Variants in RANBP2 observed in about 807,000 individuals in gnomAD.
RANBP2 encodes E3 SUMO-protein ligase RanBP2.
Under a neutral mutation model 303.6 loss-of-function variants are expected in RANBP2, and 57 were observed. The observed-to-expected ratio is 0.19, with a 90% CI of 0.15 to 0.23. The LOEUF (loss-of-function observed/expected upper bound fraction) is 0.23, where lower values mean the gene tolerates loss of function less well. Ranked by LOEUF, RANBP2 falls within the 10% of genes least tolerant of loss-of-function variation. The probability of loss-of-function intolerance (pLI) is 1.00; values close to 1 mark genes in which losing one functional copy is unlikely to be tolerated. For missense variants in RANBP2, 3,138 were observed against 3,780.8 expected, an observed-to-expected ratio of 0.83 and a Z score of 4.46; for synonymous variants, 1,167 against 1,301.5, an observed-to-expected ratio of 0.90 and a Z score of 2.23.
the RANBP2 span, among the ~76,000 whole-genome samples, chr2:108,800,605 T>C: frequency 7.2e-6 from 1 of 138,886 alleles, no homozygotes; most frequent in Non-Finnish European, 1.5e-5. Flanking sequence ...CATCTCAGTT[T>C]AGCTTTTTTT....
At chr2:109,527,305 C>A in the RANBP2 span, among the ~76,000 whole-genome samples, 5 of 152,348 alleles carry the variant, frequency 3.3e-5, no homozygotes, top group East Asian at 9.7e-4. Context: ...AAACCAGTTG[C>A]TTGCCTAGGA....
At chr2:108,935,768 A>C in the RANBP2 span, among the ~76,000 whole-genome samples, 1 of 152,236 alleles carries the variant, frequency 6.6e-6, no homozygotes, top group Non-Finnish European at 1.5e-5. Flanking sequence ...ATAGGCCCTA[A>C]GGACGGTGCC....
the RANBP2 span, among the ~76,000 whole-genome samples, chr2:109,598,199 C>T: frequency 2.0e-5 from 3 of 151,990 alleles, no homozygotes; most frequent in South Asian, 6.2e-4. Context: ...AGTAGAGTAG[C>T]TAGGATTACA....
chr2:109,009,679 C>G, the RANBP2 span, among the ~76,000 whole-genome samples: 31 of 150,114 alleles, frequency 2.1e-4, no homozygotes, highest in African/African-American at 7.4e-4. Flanking sequence ...GCATGTACCA[C>G]TACGCCTGGC....
chr2:109,726,183 C>T, the RANBP2 span, among the ~76,000 whole-genome samples: 8 of 151,270 alleles, frequency 5.3e-5, no homozygotes, highest in East Asian at 5.9e-4. Context: ...CTGACGCAGG[C>T]GGATCACTTG....
the RANBP2 span, among the ~76,000 whole-genome samples, chr2:109,461,388 C>T: frequency 1.6e-4 from 24 of 150,766 alleles, 1 homozygote; most frequent in East Asian, 2.9e-3. Flanking sequence ...AAGACCTGCG[C>T]GGTGATCCAC....
the RANBP2 span, among the ~76,000 whole-genome samples, chr2:109,210,121 G>T: frequency 2.0e-5 from 3 of 152,108 alleles, no homozygotes; most frequent in Non-Finnish European, 4.4e-5. Context: ...CGACATAGCC[G>T]CATGCGTCAC....
At chr2:109,460,783 A>G in the RANBP2 span, among the ~76,000 whole-genome samples, 1 of 152,212 alleles carries the variant, frequency 6.6e-6, no homozygotes, top group African/African-American at 2.4e-5. Context: ...GCCACAGCCT[A>G]TGAATCATTA....
chr2:109,208,665 T>C, the RANBP2 span, among the ~76,000 whole-genome samples: 1 of 148,588 alleles, frequency 6.7e-6, no homozygotes, highest in East Asian at 2.1e-4. Context: ...AAGTTTGTTA[T>C]GTAACAATAG....
chr2:109,330,706 C>G, the RANBP2 span, among the ~76,000 whole-genome samples: 1 of 151,918 alleles, frequency 6.6e-6, no homozygotes, highest in East Asian at 1.9e-4. Flanking sequence ...GGATACATGA[C>G]GGATGGATGA....
At chr2:108,876,024 A>C in the RANBP2 span, 1 of 1,009,286 alleles carries the variant, frequency 9.9e-7, no homozygotes, top group Non-Finnish European at 1.5e-6. Context: ...ATTATCTGTC[A>C]GTGTCATTGC....
the RANBP2 span, chr2:109,371,553 A>T: frequency 6.3e-7 from 1 of 1,587,518 alleles, no homozygotes; most frequent in Non-Finnish European, 8.6e-7. Context: ...GTGTGTCCGT[A>T]TGCTTGTGTC....
At chr2:108,774,386 A>T (rs1488043314) in intron 23 of RANBP2, among the ~76,000 whole-genome samples, 1 of 152,180 alleles carries the variant, frequency 6.6e-6, no homozygotes, top group Non-Finnish European at 1.5e-5. Context: ...TCGGGAGTCC[A>T]GGAGTTCCAG....
At chr2:109,669,748 C>G in the RANBP2 span, among the ~76,000 whole-genome samples, 6 of 152,206 alleles carry the variant, frequency 3.9e-5, no homozygotes, top group Non-Finnish European at 7.3e-5. Context: ...CCCTGGCCAG[C>G]AGCCTAGGCC....
the RANBP2 span, among the ~76,000 whole-genome samples, chr2:108,901,825 C>T: frequency 3.3e-5 from 5 of 152,186 alleles, no homozygotes; most frequent in Admixed American, 3.3e-4. Flanking sequence ...AATATCTAGC[C>T]AAACGCGGTG....
At chr2:109,725,114 G>A in the RANBP2 span, among the ~76,000 whole-genome samples, 2 of 152,330 alleles carry the variant, frequency 1.3e-5, no homozygotes, top group East Asian at 3.9e-4. Flanking sequence ...TGGGGATTCT[G>A]CAGTGACAGA....
chr2:109,542,645 C>T, the RANBP2 span, among the ~76,000 whole-genome samples: 1 of 152,358 alleles, frequency 6.6e-6, no homozygotes, highest in African/African-American at 2.4e-5. Flanking sequence ...CTCCAGGACT[C>T]CCTGCCTACC....
At chr2:109,464,841 C>T in the RANBP2 span, among the ~76,000 whole-genome samples, 1 of 152,162 alleles carries the variant, frequency 6.6e-6, no homozygotes, top group Non-Finnish European at 1.5e-5. Flanking sequence ...CCATAGTTTA[C>T]GTTAGGATTT....
At chr2:109,340,064 A>G in the RANBP2 span, among the ~76,000 whole-genome samples, 3 of 152,138 alleles carry the variant, frequency 2.0e-5, no homozygotes, top group Admixed American at 2.0e-4. Flanking sequence ...GAGTCCTGTG[A>G]GCAGTAATCG....
Sources: allele counts gnomAD v4.1 joint callset (sites outside exome capture counted in the v4.1 genomes callset), GRCh38; gene constraint gnomAD v4.1.1; transcripts MANE v1.5; gene names NCBI Gene and HGNC (gene_info 2026-07-23, HGNC 2026-07-21).